Variants in SPECC1L observed in about 807,000 individuals in gnomAD.
SPECC1L encodes sperm antigen with calponin homology and coiled-coil domains 1 like.
Under a neutral mutation model 116.8 loss-of-function variants are expected in SPECC1L, and 40 were observed. The ratio of observed to expected loss-of-function variants is 0.34; its 90% CI spans 0.27 to 0.45. The LOEUF is 0.45. SPECC1L is among the 20% of genes least tolerant of loss of function. The pLI is 1.00. For missense variants in SPECC1L, 1,110 were observed against 1,373.6 expected, an observed-to-expected ratio of 0.81 and a Z score of 3.03; for synonymous variants, 504 against 500.6, an observed-to-expected ratio of 1.01 and a Z score of -0.09.
At chr22:24,345,284 G>T (rs1400402614) in intron 10 of SPECC1L, among the ~76,000 whole-genome samples, 1 of 151,980 alleles carries the variant, frequency 6.6e-6, no homozygotes, top group Non-Finnish European at 1.5e-5. Flanking sequence ...ACCTCAGCCC[G>T]TACCTTATGA....
At chr22:24,319,953 G>T (rs2040687382) in intron 4 of SPECC1L, among the ~76,000 whole-genome samples, 1 of 152,208 alleles carries the variant, frequency 6.6e-6, no homozygotes. Flanking sequence ...TTCCTGGCCA[G>T]GTGCGGTGGC....
At chr22:24,318,119 T>G (rs2040638954) in intron 4 of SPECC1L, among the ~76,000 whole-genome samples, 1 of 144,002 alleles carries the variant, frequency 6.9e-6, no homozygotes, top group African/African-American at 2.9e-5. Flanking sequence ...CCAGACGGGG[T>G]GGGGCCGGGC....
At chr22:24,308,008 G>A (rs2049536056) in intron 3 of SPECC1L, among the ~76,000 whole-genome samples, 1 of 151,778 alleles carries the variant, frequency 6.6e-6, no homozygotes, top group Non-Finnish European at 1.5e-5. Context: ...TTCCTCATAT[G>A]TTAACCTGTC....
Position 24,322,799 on chromosome 22 carries a change from G to A in SPECC1L, c.1819G>A (p.Asp607Asn). 6.3e-7 allele frequency: 1 copy of A among 1,593,346 alleles called. No homozygotes were observed. The highest frequency in any genetic ancestry group is 1.3e-5 in the African/African-American group (1 of 74,138). The change falls in exon 5 of 17, where the codon GAC becomes AAC. Residue 607 changes from aspartate (D) to asparagine (N), a missense_variant. Asp to Asn is a conservative substitution (Grantham distance 23). This residue lies in a region of SPECC1L where 575 missense variants were observed against 682.4 expected (regional missense o/e 0.84). Transcript: ENST00000314328. The part of the protein sequence containing the change: ...HNSGDKSDIQ[D>N]LLESVRLDKE... ...CTCTGGAGACAAATCTGATATTCAG[G>A]ACCTCCTGGAGAGTGTCAGGCTGGA...
At chr22:24,321,147 C>A in intron 4 of SPECC1L, 141 bp from the exon 5 acceptor site, 1 of 968,612 alleles carries the variant, frequency 1.0e-6, no homozygotes, top group Admixed American at 1.9e-5. Context: ...TTAACAGACT[C>A]TAAGGCAAGA....
chr22:24,320,324 G>A (rs1326181991), intron 4 of SPECC1L, among the ~76,000 whole-genome samples: 1 of 152,114 alleles, frequency 6.6e-6, no homozygotes, highest in African/African-American at 2.4e-5. Flanking sequence ...TGTTCTTTTT[G>A]TATTAAACAA....
rs950758874 is a variant in SPECC1L at position 24,417,679 on chromosome 22, T to G, written c.*3056T>G. On this transcript the variant is annotated 3_prime_UTR_variant, in exon 17 of 17. Coordinates refer to ENST00000314328, the MANE Select transcript of SPECC1L (RefSeq NM_015330.6). ...GAAATAATTGTCAGGATGTATAAAA[T>G]AGAGAAAAAGAAAAAAGGTATCCTA... 6.6e-6 allele frequency: 1 copy of G among 152,058 alleles called. No individual in the cohort carries two copies. Among genetic ancestry groups the G allele is most frequent in the Admixed American group, 6.5e-5 (1 of 15,286 alleles). 9.4% of individuals were successfully genotyped at this position (152,058 alleles called of 1,614,324 possible).
chr22:24,357,317 T>C (rs938280850), intron 11 of SPECC1L, among the ~76,000 whole-genome samples: 2 of 152,132 alleles, frequency 1.3e-5, no homozygotes, highest in African/African-American at 4.8e-5. Flanking sequence ...ATCCCAGCAC[T>C]CAGGGAGGCC....
At chr22:24,327,277 C>CAAAAAAAAAAAA (rs58725731) in intron 6 of SPECC1L, among the ~76,000 whole-genome samples, 1 of 41,972 alleles carries the variant, frequency 2.4e-5, no homozygotes, top group Non-Finnish European at 4.8e-5. Context: ...GACTCCGTCT[C>CAAAAAAAAAAAA]AAAAAAAAAA....
chr22:24,357,143 A>G (rs779461500), intron 11 of SPECC1L, among the ~76,000 whole-genome samples: 1 of 152,192 alleles, frequency 6.6e-6, no homozygotes, highest in Admixed American at 6.5e-5. Context: ...GATGGAAGCT[A>G]TAAGAGAAAA....
At chr22:24,351,028 T>C (rs1421359913) in intron 11 of SPECC1L, among the ~76,000 whole-genome samples, 2 of 152,212 alleles carry the variant, frequency 1.3e-5, no homozygotes, top group African/African-American at 4.8e-5. Flanking sequence ...GAGAAATGGC[T>C]CAGGGTCTTC....
Position 24,415,207 on chromosome 22 carries a change from C to A in SPECC1L, c.*584C>A, listed in dbSNP as rs974453988. 9.5e-5 allele frequency: 16 copies of A among 168,532 alleles called. No homozygotes were observed. The highest frequency in any genetic ancestry group is 2.0e-4 in the Non-Finnish European group (15 of 76,242). The allele number at this position is 168,532 out of a possible 1,614,324, so 10.4% of individuals were successfully genotyped here. ...GCTGTCCCGGCCGACACAATCCAGG[C>A]GTGTTCAGCCTGAGCTAGGAGAGTA... On this transcript the variant is annotated 3_prime_UTR_variant, in exon 17 of 17. Transcript: ENST00000314328.
At chr22:24,372,663 A>G (rs570199421) in intron 14 of SPECC1L, among the ~76,000 whole-genome samples, 3 of 151,642 alleles carry the variant, frequency 2.0e-5, no homozygotes, top group South Asian at 2.1e-4. Flanking sequence ...CCCACAGCCA[A>G]TATCATACTG....
chr22:24,409,745 A>G (rs2042656591), intron 14 of SPECC1L, among the ~76,000 whole-genome samples: 1 of 152,228 alleles, frequency 6.6e-6, no homozygotes, highest in African/African-American at 2.4e-5. Flanking sequence ...AAAGAAAGTC[A>G]AGGCTGGGTA....
chr22:24,295,561 T>C (rs1333731150), intron 2 of SPECC1L, among the ~76,000 whole-genome samples: 1 of 152,144 alleles, frequency 6.6e-6, no homozygotes, highest in Admixed American at 6.5e-5. Flanking sequence ...TTAATACATA[T>C]TGATCTAGAC....
intron 14 of SPECC1L, among the ~76,000 whole-genome samples, chr22:24,404,500 C>G (rs2042547171): frequency 6.6e-6 from 1 of 152,182 alleles, no homozygotes; most frequent in Non-Finnish European, 1.5e-5. Context: ...GAAGCCAAGG[C>G]CCATCCGGAG....
intron 14 of SPECC1L, among the ~76,000 whole-genome samples, chr22:24,395,377 G>A (rs2042347144): frequency 6.6e-6 from 1 of 152,138 alleles, no homozygotes; most frequent in Admixed American, 6.5e-5. Context: ...ATGTGATAGA[G>A]TGAAGGATTT....
intron 14 of SPECC1L, among the ~76,000 whole-genome samples, chr22:24,410,437 T>C (rs1188829189): frequency 1.3e-5 from 2 of 152,178 alleles, no homozygotes; most frequent in African/African-American, 4.8e-5. Flanking sequence ...CCCACTCCTG[T>C]GCCCCATGCT....
intron 10 of SPECC1L, among the ~76,000 whole-genome samples, chr22:24,341,946 CT>C (rs2146542955): frequency 1.3e-5 from 2 of 152,338 alleles, no homozygotes; most frequent in African/African-American, 4.8e-5. Context: ...CTCGAGATAA[CT>C]GCAGCCCTGC....
Sources: gnomAD v4.1 joint callset for allele counts (sites outside exome capture counted in the v4.1 genomes callset) on GRCh38, gnomAD v4.1.1 for gene constraint, gnomAD v4.1.1 regional missense constraint, MANE v1.5 for transcripts, NCBI Gene and HGNC (gene_info 2026-07-23, HGNC 2026-07-21) for gene names.